The following CEP162 variants were observed in gnomAD, a reference collection of about 807,000 sequenced individuals.
CEP162 encodes centrosomal protein of 162 kDa.
A neutral mutation model predicts 169.2 loss-of-function variants in CEP162; 141 were observed. The ratio of observed to expected loss-of-function variants is 0.83; its 90% CI spans 0.73 to 0.96. The LOEUF is 0.96. CEP162 is among the 40% of genes least tolerant of loss of function. The pLI is 0.00. For missense variants in CEP162, 1,600 were observed against 1,587.2 expected (o/e 1.01, Z -0.14); for synonymous variants, 540 against 526.4 (o/e 1.03, Z -0.35).
intron 10 of CEP162, among the ~76,000 whole-genome samples, chr6:84,194,458 T>A (rs2099541267): frequency 2.2e-5 from 3 of 136,178 alleles, no homozygotes; most frequent in African/African-American, 8.4e-5. Context: ...AAAAAATCTT[T>A]TTTTTTTTTT....
At chr6:84,212,512 G>A (rs903436855) in intron 6 of CEP162, among the ~76,000 whole-genome samples, 2 of 151,428 alleles carry the variant, frequency 1.3e-5, no homozygotes, top group Admixed American at 1.3e-4. Context: ...GACTCATAGG[G>A]CAACTAAGAA....
chr6:84,162,003 T>C (rs1262241387), intron 19 of CEP162, 94 bp from the exon 20 acceptor site: 4 of 745,202 alleles, frequency 5.4e-6, no homozygotes, highest in East Asian at 5.4e-5. Context: ...CCAATGCCCA[T>C]CTAATGACAG....
At chr6:84,212,056 TA>T (rs2099549714) in intron 6 of CEP162, among the ~76,000 whole-genome samples, 1 of 151,720 alleles carries the variant, frequency 6.6e-6, no homozygotes, top group South Asian at 2.1e-4. Flanking sequence ...AAACACTACA[TA>T]AAATTCTGTA....
At chr6:84,169,779 T>C (rs969953615) in intron 17 of CEP162, among the ~76,000 whole-genome samples, 4 of 152,166 alleles carry the variant, frequency 2.6e-5, no homozygotes, top group African/African-American at 9.7e-5. Flanking sequence ...CCTTGTCATA[T>C]TGTTCTAGAA....
chr6:84,189,342 TC>T (rs2099538685), intron 11 of CEP162, among the ~76,000 whole-genome samples: 1 of 152,114 alleles, frequency 6.6e-6, no homozygotes, highest in African/African-American at 2.4e-5. Context: ...CAGAGCCCAC[TC>T]CCTCAGCTTG....
intron 7 of CEP162, 144 bp from the exon 8 acceptor site, chr6:84,201,911 T>C (rs1192510870): frequency 2.0e-6 from 1 of 503,260 alleles, no homozygotes; most frequent in African/African-American, 2.0e-5. Flanking sequence ...TAGGCTTCTT[T>C]CACCACTGAC....
chr6:84,204,756 C>CA (rs1415354638), intron 6 of CEP162, among the ~76,000 whole-genome samples: 5 of 151,990 alleles, frequency 3.3e-5, no homozygotes, highest in Admixed American at 6.6e-5. Context: ...GATACAAACA[C>CA]AAAAAACGCT....
At chr6:84,134,906 A>T (rs1158788888) in intron 25 of CEP162, among the ~76,000 whole-genome samples, 1 of 133,496 alleles carries the variant, frequency 7.5e-6, no homozygotes, top group Non-Finnish European at 1.6e-5. Context: ...TACTGTCATG[A>T]AAAGATCATA....
At chr6:84,157,769 G>A (rs2099523819) in intron 21 of CEP162, among the ~76,000 whole-genome samples, 1 of 152,094 alleles carries the variant, frequency 6.6e-6, no homozygotes, top group East Asian at 1.9e-4. Flanking sequence ...ATATGATAGT[G>A]CTTCTACACT....
At chr6:84,192,408 G>T (rs538317264) in intron 11 of CEP162, among the ~76,000 whole-genome samples, 3 of 152,148 alleles carry the variant, frequency 2.0e-5, no homozygotes, top group Non-Finnish European at 2.9e-5. Context: ...TGTAGTTACC[G>T]CTAACATACT....
intron 13 of CEP162, among the ~76,000 whole-genome samples, chr6:84,183,044 A>G (rs2127709402): frequency 6.6e-6 from 1 of 152,292 alleles, no homozygotes; most frequent in East Asian, 1.9e-4. Flanking sequence ...TCAATAAAAA[A>G]CAGAGATTAA....
chr6:84,178,916 T>A (rs902859858), intron 13 of CEP162, among the ~76,000 whole-genome samples: 2 of 152,150 alleles, frequency 1.3e-5, no homozygotes, highest in African/African-American at 4.8e-5. Flanking sequence ...CAGTGTTTGG[T>A]TTTTTGTCCT....
chr6:84,185,151 G>A lies in CEP162; in HGVS notation c.1663+36C>T, dbSNP rs991757322. 3.3e-6 allele frequency: 5 copies of A among 1,522,376 alleles called. No homozygotes were observed. In the Admixed American group the frequency reaches 7.3e-5, roughly 22 times the overall value. The allele number at this position is 1,522,376 out of a possible 1,614,324, so 94.3% of individuals were successfully genotyped here. On this transcript the variant is annotated intron_variant, in intron 13 of 26. Coordinates refer to ENST00000403245, the MANE Select transcript of CEP162 (RefSeq NM_014895.4). ...ATTCTCTTCCATGGAAGCAAAGAAA[G>A]TAAAACAATATACTAAATAAAGAGT...
chr6:84,150,345 T>C (rs1457625660), intron 23 of CEP162, among the ~76,000 whole-genome samples: 1 of 152,146 alleles, frequency 6.6e-6, no homozygotes, highest in Non-Finnish European at 1.5e-5. Context: ...CAGATAAACA[T>C]TTTCTCTCTT....
intron 21 of CEP162, among the ~76,000 whole-genome samples, chr6:84,158,900 T>C (rs1477142908): frequency 1.3e-5 from 2 of 151,812 alleles, no homozygotes; most frequent in Non-Finnish European, 2.9e-5. Context: ...GTCAAAAATA[T>C]CAGTCTGGTA....
At chr6:84,195,759 G>A (rs1337145013) in intron 9 of CEP162, among the ~76,000 whole-genome samples, 1 of 152,006 alleles carries the variant, frequency 6.6e-6, no homozygotes. Flanking sequence ...TCATTTCAGG[G>A]CTCCATCTTC....
At chr6:84,141,151 T>C (rs1261077532) in intron 25 of CEP162, among the ~76,000 whole-genome samples, 7 of 152,152 alleles carry the variant, frequency 4.6e-5, no homozygotes, top group Non-Finnish European at 8.8e-5. Flanking sequence ...TAACAGGCCA[T>C]GAACTGGTAC....
chr6:84,167,431 A>G (rs1349864038), intron 18 of CEP162, among the ~76,000 whole-genome samples: 1 of 152,092 alleles, frequency 6.6e-6, no homozygotes, highest in Non-Finnish European at 1.5e-5. Context: ...TAAGCACTTT[A>G]AGTCTATTTA....
chr6:84,219,209 T>C (rs1187250181), intron 3 of CEP162: 2 of 1,200,086 alleles, frequency 1.7e-6, no homozygotes, highest in East Asian at 5.7e-5. Context: ...CTTTTCATAA[T>C]AATGCCTAGT....
Sources: gnomAD v4.1 joint callset for allele counts (sites outside exome capture counted in the v4.1 genomes callset) on GRCh38, gnomAD v4.1.1 for gene constraint, MANE v1.5 for transcripts, NCBI Gene and HGNC (gene_info 2026-07-23, HGNC 2026-07-21) for gene names.